The following PDE7A variants were observed in gnomAD, a reference collection of about 807,000 sequenced individuals.
PDE7A encodes phosphodiesterase 7A.
Under a neutral mutation model 64.3 loss-of-function variants are expected in PDE7A, and 39 were observed. The observed-to-expected ratio is 0.61, with a 90% CI of 0.47 to 0.79. The LOEUF is 0.79. Among genes scored for constraint, PDE7A ranks in the 30% least tolerant of loss-of-function variants. The pLI is 0.00. For missense variants in PDE7A, 470 were observed against 582.8 expected (o/e 0.81, Z 1.99); for synonymous variants, 203 against 206.8 (o/e 0.98, Z 0.16).
chr8:65,793,504 A>G (rs891855014), intron 1 of PDE7A, among the ~76,000 whole-genome samples: 2 of 151,906 alleles, frequency 1.3e-5, no homozygotes, highest in African/African-American at 4.8e-5. Context: ...AAAAAAGGCA[A>G]ATATGGTTAA....
At chr8:65,757,431 C>A (rs1426062546) in intron 3 of PDE7A, among the ~76,000 whole-genome samples, 8 of 152,140 alleles carry the variant, frequency 5.3e-5, no homozygotes, top group African/African-American at 1.9e-4. Flanking sequence ...TCCAGTCCAT[C>A]ATAGTGCATG....
At chr8:65,802,261 C>CTGTG (rs1563513259) in intron 1 of PDE7A, among the ~76,000 whole-genome samples, 5 of 152,174 alleles carry the variant, frequency 3.3e-5, no homozygotes, top group Non-Finnish European at 2.9e-5. Flanking sequence ...TAATGGTGAT[C>CTGTG]ACTGCACAAC....
intron 1 of PDE7A, among the ~76,000 whole-genome samples, chr8:65,783,465 T>C (rs1409359041): frequency 6.6e-6 from 1 of 152,236 alleles, no homozygotes; most frequent in African/African-American, 2.4e-5. Flanking sequence ...TTCCAAGTGC[T>C]GTTCCCTCAT....
At chr8:65,734,681 T>C in intron 7 of PDE7A, 113 bp downstream of exon 7, 1 of 663,474 alleles carries the variant, frequency 1.5e-6, no homozygotes, top group Non-Finnish European at 2.7e-6. Context: ...CTCATTCTTG[T>C]GAAGGAAGTC....
chr8:65,841,599 G>A lies in PDE7A; in HGVS notation c.-91C>T. Reference sequence around the variant, plus strand: ...AGGGGGCCGCGGCTCGGGGGCTCCGGGCCGAGACGGGGGCAGGGCGGGCGG... The same window carrying A: ...AGGGGGCCGCGGCTCGGGGGCTCCGAGCCGAGACGGGGGCAGGGCGGGCGG... On this transcript the variant is annotated 5_prime_UTR_variant, in exon 1 of 13. Coordinates refer to ENST00000401827, the MANE Select transcript of PDE7A (RefSeq NM_001242318.3). 1 of 573,694 alleles carries A rather than the reference G, an allele frequency of 1.7e-6. No individual in the cohort carries two copies. Among genetic ancestry groups the A allele is most frequent in the Non-Finnish European group, 2.4e-6 (1 of 415,684 alleles). The allele number at this position is 573,694 out of a possible 1,614,324, so 35.5% of individuals were successfully genotyped here.
chr8:65,791,923 G>T (rs1350821769), intron 1 of PDE7A, among the ~76,000 whole-genome samples: 1 of 151,366 alleles, frequency 6.6e-6, no homozygotes, highest in African/African-American at 2.4e-5. Flanking sequence ...TACTTATCTT[G>T]GTGATTTATA....
rs1440431085 is a variant in PDE7A, at chr8:65,841,962, G to GGGC, written c.-457_-455dup. 1.4e-5 allele frequency: 3 copies of GGGC among 220,304 alleles called. No homozygotes were observed. Among genetic ancestry groups the GGGC allele is most frequent in the East Asian group, 1.6e-4 (1 of 6,088 alleles). The allele number at this position is 220,304 out of a possible 1,614,324, so 13.6% of individuals were successfully genotyped here. ...GGGACTCAGGAGCAGCGACCAGCTC[G>GGGC]GGCCGCCGCCGCCGCCGCCGCCGCC... On this transcript the variant is annotated 5_prime_UTR_variant, in exon 1 of 13. Transcript: ENST00000401827.
intron 5 of PDE7A, 45 bp downstream of exon 5, chr8:65,745,362 T>TA (rs373658533): frequency 9.3e-7 from 1 of 1,079,552 alleles, no homozygotes; most frequent in Middle Eastern, 2.0e-4. Context: ...ATCAATGCAG[T>TA]AATCTAGACT....
chr8:65,738,680 G>A (rs151309242), intron 6 of PDE7A, among the ~76,000 whole-genome samples: 6,107 of 152,230 alleles, frequency 0.04, 180 homozygotes, highest in Non-Finnish European at 0.062. Flanking sequence ...TGATCCACCC[G>A]CCTCAGCCTC....
intron 1 of PDE7A, among the ~76,000 whole-genome samples, chr8:65,808,502 T>C (rs183755784): frequency 1.3e-5 from 2 of 152,268 alleles, no homozygotes; most frequent in East Asian, 1.9e-4. Context: ...TATAAAACAT[T>C]ACACACAGTA....
At chr8:65,781,967 A>C (rs1809430639) in intron 2 of PDE7A, among the ~76,000 whole-genome samples, 1 of 152,192 alleles carries the variant, frequency 6.6e-6, no homozygotes, top group Non-Finnish European at 1.5e-5. Flanking sequence ...TAAAGAGGAC[A>C]AAAAGGAATA....
chr8:65,795,694 C>T (rs1003079798), intron 1 of PDE7A, among the ~76,000 whole-genome samples: 6 of 151,972 alleles, frequency 3.9e-5, no homozygotes, highest in African/African-American at 9.7e-5. Context: ...TTACAATAAG[C>T]GTAAAGGGAT....
intron 7 of PDE7A, among the ~76,000 whole-genome samples, chr8:65,733,106 C>A (rs534301546): frequency 6.6e-6 from 1 of 152,220 alleles, no homozygotes; most frequent in Admixed American, 6.5e-5. Flanking sequence ...TTAATTGAAG[C>A]CTTGGGTAAA....
rs530777839 is a variant in PDE7A, at chr8:65,717,527, C to T, written c.*1763G>A. On this transcript the variant is annotated 3_prime_UTR_variant, in exon 13 of 13. Transcript: ENST00000401827. The stretch of plus-strand genomic sequence containing the variant: ...ACAGCCCTAACTGGGCTTCTGCTTA[C>T]TCACTTGCAAGGTGAGTCATTAGTA... The T allele has an allele frequency of 6.6e-6, 1 of 152,364 alleles. No individual in the cohort carries two copies. Among genetic ancestry groups the T allele is most frequent in the South Asian group, 2.1e-4 (1 of 4,832 alleles). 9.4% of individuals were successfully genotyped at this position (152,364 alleles called of 1,614,324 possible). A position where few individuals can be genotyped will look rare whatever the true frequency, so the allele number is the denominator to read the frequency against.
chr8:65,736,296 G>C (rs1807125018), intron 6 of PDE7A, among the ~76,000 whole-genome samples: 1 of 152,094 alleles, frequency 6.6e-6, no homozygotes, highest in Non-Finnish European at 1.5e-5. Context: ...ACAATGGTGT[G>C]CAATTCAAAA....
rs181288795 is a variant in PDE7A at position 65,721,582 on chromosome 8, G to C, written c.1243+1959C>G. 1.7e-4 allele frequency among the ~76,000 whole-genome samples: 26 copies of C among 152,200 alleles called. No individual in the cohort carries two copies. The East Asian group carries it at 5.0e-3, about 29-fold the overall frequency. ...ACCTTATCCCTGACAACCCATTCTAGATCTGTACAACACTGACAAGATCAA... is the reference window on the plus strand; with the variant it reads ...ACCTTATCCCTGACAACCCATTCTACATCTGTACAACACTGACAAGATCAA... On this transcript the variant is annotated intron_variant, in intron 12 of 12. Coordinates refer to ENST00000401827, the MANE Select transcript of PDE7A (RefSeq NM_001242318.3).
chr8:65,814,305 A>G (rs1810330309), intron 1 of PDE7A, among the ~76,000 whole-genome samples: 1 of 151,638 alleles, frequency 6.6e-6, no homozygotes, highest in African/African-American at 2.4e-5. Flanking sequence ...AGGTCAGGAG[A>G]TCGAGACCAT....
At chr8:65,757,601 TTTTTGTTTTGTTTTG>T (rs368448878) in intron 3 of PDE7A, among the ~76,000 whole-genome samples, 1 of 148,562 alleles carries the variant, frequency 6.7e-6, no homozygotes, top group African/African-American at 2.4e-5. Context: ...CAAGACTTTG[TTTTTGTTTTGTTTTG>T]TTTTGTTTTG....
At chr8:65,749,312 A>G (rs1028987804) in intron 3 of PDE7A, among the ~76,000 whole-genome samples, 1 of 152,248 alleles carries the variant, frequency 6.6e-6, no homozygotes, top group African/African-American at 2.4e-5. Context: ...AAATAAATGC[A>G]TACTATTTTT....
Sources: allele counts gnomAD v4.1 joint callset (sites outside exome capture counted in the v4.1 genomes callset), GRCh38; gene constraint gnomAD v4.1.1; transcripts MANE v1.5; gene names NCBI Gene and HGNC (gene_info 2026-07-23, HGNC 2026-07-21).